The following CERS4 variants were observed in gnomAD, a reference collection of about 807,000 sequenced individuals.
CERS4 encodes LAG1 homolog, ceramide synthase 4.
Under a neutral mutation model 51.8 loss-of-function variants are expected in CERS4, and 65 were observed. That is an observed-to-expected ratio of 1.26 (90% confidence interval 1.03 to 1.54). The LOEUF is 1.54. Among genes scored for constraint, CERS4 ranks in the 40% most tolerant of loss-of-function variants. CERS4 has a pLI of 0.00. For missense variants in CERS4, 563 were observed against 500.4 expected, an observed-to-expected ratio of 1.13 and a Z score of -1.19; for synonymous variants, 228 against 208.4, an observed-to-expected ratio of 1.09 and a Z score of -0.81.
At chr19:8,246,479 G>A (rs1686415164) in intron 2 of CERS4, among the ~76,000 whole-genome samples, 1 of 151,830 alleles carries the variant, frequency 6.6e-6, no homozygotes. Flanking sequence ...GACCACCCGA[G>A]CCCGGGAGGT....
At position 8,254,436 on chromosome 19, in the gene CERS4, C is replaced by T. The variant is rs2145310224; in HGVS notation, c.174-63C>T. 5 of 1,500,092 alleles carry T rather than the reference C, an allele frequency of 3.3e-6. No individual in the cohort carries two copies. The South Asian group carries it at 4.5e-5, about 14-fold the overall frequency. The allele number at this position is 1,500,092 out of a possible 1,614,324, so 92.9% of individuals were successfully genotyped here. A position where few individuals can be genotyped will look rare whatever the true frequency, so the allele number is the denominator to read the frequency against. On this transcript the variant is annotated intron_variant, in intron 3 of 11. Transcript: ENST00000251363. ...TTATCCCACCGGCAGCATGTCTGCC[C>T]CCACACACAGGCAGTCCCATCTCTT...
intron 2 of CERS4, 79 bp from the exon 3 acceptor site, chr19:8,250,997 G>A: frequency 6.7e-7 from 1 of 1,495,470 alleles, no homozygotes; most frequent in Non-Finnish European, 8.9e-7. Context: ...GGAGTTCTGA[G>A]GCTCCAGCCT....
intron 10 of CERS4, among the ~76,000 whole-genome samples, chr19:8,259,264 G>A (rs1206728003): frequency 1.3e-5 from 2 of 152,156 alleles, no homozygotes; most frequent in Admixed American, 6.5e-5. Context: ...ACAGAACCAC[G>A]TTGATCAGAG....
At chr19:8,226,403 A>G (rs929380275) in intron 2 of CERS4, among the ~76,000 whole-genome samples, 2 of 152,072 alleles carry the variant, frequency 1.3e-5, no homozygotes, top group African/African-American at 4.8e-5. Flanking sequence ...CTGGCTTTGC[A>G]CCTGCTTGGC....
chr19:8,260,978 CAAG>C (rs1969666180), intron 10 of CERS4: 1 of 97,606 alleles, frequency 1.0e-5, no homozygotes, highest in Non-Finnish European at 2.5e-5. Flanking sequence ...AAAAAAAAAA[CAAG>C]AACCACAGCT....
chr19:8,260,020 T>C (rs1160065465), intron 10 of CERS4, among the ~76,000 whole-genome samples: 10 of 151,454 alleles, frequency 6.6e-5, no homozygotes, highest in Admixed American at 6.6e-4. Context: ...GGCTGTGAGA[T>C]GGGGAGATGG....
At chr19:8,246,388 C>T (rs1599566173) in intron 2 of CERS4, among the ~76,000 whole-genome samples, 2 of 151,536 alleles carry the variant, frequency 1.3e-5, no homozygotes, top group East Asian at 3.9e-4. Context: ...GAGACCCTCT[C>T]TCTACACAAA....
At position 8,251,240 on chromosome 19, in the gene CERS4, C is replaced by A. The variant is rs771079885; in HGVS notation, c.164C>A (p.Ala55Asp). 3 of 1,602,474 alleles carry A rather than the reference C, an allele frequency of 1.9e-6. No homozygotes were observed. The highest frequency in any genetic ancestry group is 1.1e-5 in the South Asian group (1 of 89,310). The change falls in exon 3 of 12, where the codon GCC becomes GAC. Residue 55 changes from alanine (A) to aspartate (D), a missense_variant. By Grantham distance (126) the Ala-to-Asp change is moderately radical (BLOSUM62 -2). Transcript: ENST00000251363. ...CTGGTCCTCCTGGCCATGCGCCTTG[C>A]CTTTGAGAGGTGAGTGTCTGCCCTG... The part of the protein sequence containing the change: ...LALVLLAMRL[A>D]FERFIGLPLS...
chr19:8,257,823 C>T, intron 9 of CERS4, 56 bp from the exon 10 acceptor site: 2 of 1,386,740 alleles, frequency 1.4e-6, no homozygotes, highest in Non-Finnish European at 2.0e-6. Flanking sequence ...ATAGCACCTT[C>T]TCTTTGAGAC....
chr19:8,248,869 G>T (rs2145280937), intron 2 of CERS4, among the ~76,000 whole-genome samples: 1 of 147,580 alleles, frequency 6.8e-6, no homozygotes, highest in African/African-American at 2.5e-5. Context: ...TGGGTGGATG[G>T]ATGGTGGGTG....
intron 2 of CERS4, among the ~76,000 whole-genome samples, chr19:8,224,347 C>T (rs554868841): frequency 1.4e-5 from 2 of 145,902 alleles, no homozygotes; most frequent in East Asian, 4.1e-4. Flanking sequence ...GCGGAGATTG[C>T]GGTGAGTAGA....
chr19:8,251,124 AC>A lies in CERS4; in HGVS notation c.50del (p.Pro17HisfsTer9). The A allele has an allele frequency of 6.2e-7, 1 of 1,611,758 alleles. No homozygotes were observed. Among genetic ancestry groups the A allele is most frequent in the East Asian group, 2.2e-5 (1 of 44,652 alleles). ...EWFWQDRFWL[P>X]PNVTWTELED... ...GGTTTTGGCAGGACAGGTTCTGGTT[AC>A]CACCCAATGTCACGTGGACAGAGCT... On this transcript the variant is annotated frameshift_variant, in exon 3 of 12. Transcript: ENST00000251363. LOFTEE classifies it high-confidence loss of function.
chr19:8,256,095 CGA>C (rs1400754252), intron 6 of CERS4, 139 bp from the exon 7 acceptor site: 6 of 1,016,232 alleles, frequency 5.9e-6, no homozygotes, highest in African/African-American at 1.6e-5. Context: ...GCCCCCCAGT[CGA>C]GAGTGAGAAG....
At chr19:8,261,323 TC>T (rs1969691113) in intron 10 of CERS4, 1 of 214,026 alleles carries the variant, frequency 4.7e-6, no homozygotes, top group Admixed American at 5.3e-5. Context: ...ATGAAGCCCC[TC>T]CCCTATGAGG....
In CERS4 at chr19:8,261,982, C is replaced by A. The variant is rs17160348; in HGVS notation, c.1058C>A (p.Ala353Glu). 8 of 1,597,802 alleles carry A rather than the reference C, an allele frequency of 5.0e-6. No individual in the cohort carries two copies. The highest frequency in any genetic ancestry group is 3.4e-5 in the South Asian group (3 of 89,056). Residue 353 changes from alanine to glutamate, a missense_variant, in exon 12 of 12, where the codon GCG becomes GAG. Ala to Glu is a moderately radical substitution (Grantham distance 107). Transcript: ENST00000251363. Reference sequence around the variant, plus strand: ...GAAGAATCAGACTCCAGTGAGGAGGCGGCGGCGGCCCAGGAACCTCTGCAG... The same window carrying A: ...GAAGAATCAGACTCCAGTGAGGAGGAGGCGGCGGCCCAGGAACCTCTGCAG... ...DVEESDSSEE[A>E]AAAQEPLQLK... is the part of the protein sequence containing the mutation.
intron 2 of CERS4, chr19:8,239,541 G>A (rs1489518617): frequency 6.6e-6 from 1 of 152,318 alleles, no homozygotes; most frequent in Non-Finnish European, 1.5e-5. Context: ...GGCCTCCGCA[G>A]GACCGTATGA....
chr19:8,250,993 C>T, intron 2 of CERS4, 83 bp from the exon 3 acceptor site: 1 of 1,496,234 alleles, frequency 6.7e-7, no homozygotes, highest in Admixed American at 2.3e-5. Context: ...AGTAGGAGTT[C>T]TGAGGCTCCA....
chr19:8,256,600 T>C lies in CERS4; in HGVS notation c.520-18T>C, dbSNP rs1408521332. 6.2e-7 allele frequency: 1 copy of C among 1,603,960 alleles called. No homozygotes were observed. The highest frequency in any genetic ancestry group is 8.5e-7 in the Non-Finnish European group (1 of 1,175,994). On this transcript the variant is annotated intron_variant, in intron 7 of 11. Transcript: ENST00000251363. The stretch of plus-strand genomic sequence containing the variant: ...AGCCTTCGCTCCCCACAGCTAACCT[T>C]GTCCTGTCCTGCTGCAGACTCTGAA...
intron 10 of CERS4, chr19:8,261,467 T>C (rs907360535): frequency 3.4e-6 from 2 of 579,902 alleles, no homozygotes; most frequent in East Asian, 2.9e-5. Context: ...TAGTCATGAA[T>C]GGCCAGTCAG....
Sources: allele counts gnomAD v4.1 joint callset (sites outside exome capture counted in the v4.1 genomes callset), GRCh38; gene constraint gnomAD v4.1.1; transcripts MANE v1.5; gene names NCBI Gene and HGNC (gene_info 2026-07-23, HGNC 2026-07-21).